The following ITGA9 variants were observed in gnomAD, a reference collection of about 807,000 sequenced individuals.
ITGA9 encodes the protein integrin subunit alpha 9.
ITGA9 carries 56 observed loss-of-function variants against 127.8 expected under a neutral mutation model. That is an observed-to-expected ratio of 0.44 (90% CI 0.35 to 0.55). The LOEUF (loss-of-function observed/expected upper bound fraction) is 0.55, where lower values mean the gene tolerates loss of function less well. ITGA9 is among the 20% of genes least tolerant of loss of function. The probability of loss-of-function intolerance (pLI) is 0.00; values close to 1 mark genes in which losing one functional copy is unlikely to be tolerated. For missense variants in ITGA9, 1,196 were observed against 1,347.1 expected (o/e 0.89, Z 1.76); for synonymous variants, 508 against 514.5 (o/e 0.99, Z 0.17).
intron 15 of ITGA9, among the ~76,000 whole-genome samples, chr3:37,614,534 G>C (rs1335078712): frequency 6.6e-6 from 1 of 151,064 alleles, no homozygotes; most frequent in African/African-American, 2.4e-5. Context: ...GGATGGCATT[G>C]AATCTATAAA....
rs1697211035 is a variant in ITGA9 at position 37,799,458 on chromosome 3, A to AT, written c.2890-4362dup. Among the ~76,000 whole-genome samples, 1 of 152,322 alleles carries AT rather than the reference A, an allele frequency of 6.6e-6. No individual in the cohort carries two copies. Among genetic ancestry groups the AT allele is most frequent in the East Asian group, 1.9e-4 (1 of 5,186 alleles). On this transcript the variant is annotated intron_variant, in intron 26 of 27. Coordinates refer to ENST00000264741, the MANE Select transcript of ITGA9 (RefSeq NM_002207.3). This position sits in a 1 kb window ranked among gnomAD's most constrained non-coding sequence, Gnocchi z 4.0. ...GTCAAATGGACAAGGATGGAAGGGCATTTCAGGAGGCAAGAGCAGCCTGCA... is the reference window on the plus strand; with the variant it reads ...GTCAAATGGACAAGGATGGAAGGGCATTTTCAGGAGGCAAGAGCAGCCTGCA...
chr3:37,505,489 G>A (rs763660198), intron 6 of ITGA9, among the ~76,000 whole-genome samples: 1 of 152,210 alleles, frequency 6.6e-6, no homozygotes, highest in South Asian at 2.1e-4. Context: ...GTTATGTTGA[G>A]TGAAGTTCAA....
At chr3:37,784,942 A>G (rs377433729) in intron 25 of ITGA9, 35 bp from the exon 26 acceptor site, 140 of 1,553,484 alleles carry the variant, frequency 9.0e-5, no homozygotes, top group Non-Finnish European at 1.2e-4. Context: ...TATCATAGAA[A>G]AATCTTCAAG....
At chr3:37,694,847 G>A (rs139538501) in intron 18 of ITGA9, among the ~76,000 whole-genome samples, 2 of 152,262 alleles carry the variant, frequency 1.3e-5, no homozygotes, top group African/African-American at 2.4e-5. Flanking sequence ...AAGCTAAGGC[G>A]AATAAAATAA....
chr3:37,744,507 GTGTGAGCCCC>G (rs965828364), intron 22 of ITGA9, among the ~76,000 whole-genome samples: 1 of 152,234 alleles, frequency 6.6e-6, no homozygotes, highest in Non-Finnish European at 1.5e-5. Context: ...GAACAGAGGA[GTGTGAGCCCC>G]TGTGAGCCCC....
chr3:37,618,611 C>G (rs1700097957), intron 15 of ITGA9, among the ~76,000 whole-genome samples: 1 of 152,242 alleles, frequency 6.6e-6, no homozygotes, highest in African/African-American at 2.4e-5. Flanking sequence ...AGGCTCCACT[C>G]AGTTCGAGCT....
intron 4 of ITGA9, among the ~76,000 whole-genome samples, chr3:37,484,242 A>G (rs1370211408): frequency 6.6e-6 from 1 of 152,150 alleles, no homozygotes; most frequent in Admixed American, 6.5e-5. Flanking sequence ...AGCCCCTTAG[A>G]AAAATGGGGG....
At chr3:37,768,347 G>A (rs1173074083) in intron 23 of ITGA9, among the ~76,000 whole-genome samples, 5 of 152,112 alleles carry the variant, frequency 3.3e-5, no homozygotes, top group Non-Finnish European at 5.9e-5. Context: ...CTCAGTTATT[G>A]TATGACTACT....
intron 27 of ITGA9, among the ~76,000 whole-genome samples, chr3:37,805,438 G>C (rs74785336): frequency 2.6e-5 from 4 of 152,058 alleles, no homozygotes; most frequent in Non-Finnish European, 2.9e-5. Flanking sequence ...TTCAAAGCAC[G>C]TTTCCAGCAC....
At chr3:37,660,899 C>T (rs1054275522) in intron 17 of ITGA9, among the ~76,000 whole-genome samples, 3 of 152,186 alleles carry the variant, frequency 2.0e-5, no homozygotes, top group African/African-American at 7.2e-5. Context: ...GTGGACAAGC[C>T]TGGGCATATT....
intron 1 of ITGA9, among the ~76,000 whole-genome samples, chr3:37,455,137 A>G (rs1698242971): frequency 6.6e-6 from 1 of 152,170 alleles, no homozygotes; most frequent in South Asian, 2.1e-4. Context: ...CCTTAACTTC[A>G]ACTGTGGGGT....
rs1002624400 is a variant in ITGA9 at position 37,806,913 on chromosome 3, C to T, written c.3009+2971C>T. 2 of 152,298 alleles carry T rather than the reference C, an allele frequency of 1.3e-5. No individual in the cohort carries two copies. Among genetic ancestry groups the T allele is most frequent in the African/African-American group, 4.8e-5 (2 of 41,468 alleles). 9.4% of individuals were successfully genotyped at this position (152,298 alleles called of 1,614,324 possible). On this transcript the variant is annotated intron_variant, in intron 27 of 27. Coordinates refer to ENST00000264741, the MANE Select transcript of ITGA9 (RefSeq NM_002207.3). The surrounding 1 kb of genome is among the most constrained non-coding windows in gnomAD (Gnocchi z 4.3). ...GTCCTTGCTTTGCCTGGACTAGGCA[C>T]TGGGATGCAGCAATAACTGTGCCCT...
At chr3:37,698,652 C>T (rs1211423641) in intron 18 of ITGA9, among the ~76,000 whole-genome samples, 1 of 151,960 alleles carries the variant, frequency 6.6e-6, no homozygotes, top group African/African-American at 2.4e-5. Flanking sequence ...ATTTTTATAC[C>T]AGTTTTCGTG....
chr3:37,676,935 A>G (rs919360772), intron 17 of ITGA9, among the ~76,000 whole-genome samples: 5 of 152,140 alleles, frequency 3.3e-5, no homozygotes, highest in Admixed American at 6.5e-5. Flanking sequence ...CTGCCCATCA[A>G]TAGGCAGAGC....
At chr3:37,604,356 T>A (rs1699947890) in intron 15 of ITGA9, among the ~76,000 whole-genome samples, 1 of 152,236 alleles carries the variant, frequency 6.6e-6, no homozygotes, top group African/African-American at 2.4e-5. Flanking sequence ...TCAAAATACT[T>A]TGTGTTAAAC....
intron 15 of ITGA9, among the ~76,000 whole-genome samples, chr3:37,625,028 A>G (rs1575171787): frequency 6.6e-6 from 1 of 151,954 alleles, no homozygotes; most frequent in Non-Finnish European, 1.5e-5. Flanking sequence ...AATCTTCTCT[A>G]CCCTATTGCT....
chr3:37,479,229 G>C (rs764221974), intron 3 of ITGA9, among the ~76,000 whole-genome samples: 3 of 152,170 alleles, frequency 2.0e-5, no homozygotes, highest in Non-Finnish European at 2.9e-5. Flanking sequence ...TTTACTTAGT[G>C]ATATATTTTT....
At chr3:37,742,027 C>T (rs1245260122) in intron 21 of ITGA9, among the ~76,000 whole-genome samples, 1 of 152,216 alleles carries the variant, frequency 6.6e-6, no homozygotes, top group East Asian at 1.9e-4. Context: ...ACCTACCCAC[C>T]CACCTGGTAG....
intron 15 of ITGA9, among the ~76,000 whole-genome samples, chr3:37,593,544 G>A (rs1017828114): frequency 2.0e-5 from 3 of 152,204 alleles, no homozygotes; most frequent in African/African-American, 7.2e-5. Flanking sequence ...TTCGTGCTAT[G>A]TCCTCACATG....
Sources: gnomAD v4.1 joint callset for allele counts (sites outside exome capture counted in the v4.1 genomes callset) on GRCh38, gnomAD v4.1.1 for gene constraint, Gnocchi (gnomAD v3.1) non-coding constraint, MANE v1.5 for transcripts, NCBI Gene and HGNC (gene_info 2026-07-23, HGNC 2026-07-21) for gene names.